The following WNK2 variants were observed in gnomAD, a reference collection of about 807,000 sequenced individuals.
WNK2 encodes the protein WNK lysine deficient protein kinase 2.
A neutral mutation model predicts 192.1 loss-of-function variants in WNK2; 67 were observed. The ratio of observed to expected loss-of-function variants is 0.35; its 90% confidence interval spans 0.29 to 0.43. The LOEUF (loss-of-function observed/expected upper bound fraction) is 0.43. Ranked by LOEUF, WNK2 falls within the 20% of genes least tolerant of loss-of-function variation. The pLI is 1.00. For synonymous variants in WNK2, 1,439 were observed against 1,393.9 expected, an observed-to-expected ratio of 1.03 and a Z score of -0.72; for missense variants, 2,698 against 3,089.7, an observed-to-expected ratio of 0.87 and a Z score of 3.01.
chr9:93,273,221 G>A (rs539662862), intron 19 of WNK2, among the ~76,000 whole-genome samples: 3 of 152,300 alleles, frequency 2.0e-5, no homozygotes, highest in South Asian at 2.1e-4. Flanking sequence ...GCAGTGGCAC[G>A]ATCTTGGCTC....
At position 93,268,721 on chromosome 9, in the gene WNK2, C is replaced by T. The variant is rs775152255; in HGVS notation, c.4008C>T (p.Ser1336=). 6 of 1,613,088 alleles carry T rather than the reference C, an allele frequency of 3.7e-6. No homozygotes were observed. The Admixed American group carries it at 5.0e-5, about 13-fold the overall frequency. The change falls in exon 19 of 30, where the codon AGC becomes AGT. Residue 1336 remains serine (S), a synonymous_variant. Transcript: ENST00000427277. ...APESSPPLPL[S]SLPPEASQDS... ...AATCTTCGCCCCCACTTCCTCTAAG[C>T]TCCCTGCCGCCAGAAGCCAGCCAAG... is the stretch of plus-strand genomic sequence containing the variant.
intron 2 of WNK2, among the ~76,000 whole-genome samples, chr9:93,221,773 G>C (rs1311464822): frequency 6.6e-6 from 1 of 152,180 alleles, no homozygotes; most frequent in African/African-American, 2.4e-5. Context: ...GGCAGTCAGT[G>C]AGAGGCTTTC....
Position 93,278,280 on chromosome 9 carries a change from G to A in WNK2, c.4033+9534G>A, listed in dbSNP as rs1313891223. ...GGAGTTCTGGAGAGGAGAGAGCTGCGGAGAGAAGAGTCTGAAGATAACGGG... is the reference window on the plus strand; with the variant it reads ...GGAGTTCTGGAGAGGAGAGAGCTGCAGAGAGAAGAGTCTGAAGATAACGGG... On this transcript the variant is annotated intron_variant, in intron 19 of 29. Transcript: ENST00000427277. 4.6e-5 allele frequency among the ~76,000 whole-genome samples: 7 copies of A among 152,230 alleles called. No homozygotes were observed. The South Asian group carries it at 6.2e-4, about 14-fold the overall frequency.
chr9:93,306,678 C>G, intron 26 of WNK2, 99 bp from the exon 27 acceptor site: 3 of 1,470,706 alleles, frequency 2.0e-6, no homozygotes, highest in Non-Finnish European at 2.9e-6. Context: ...TCTGCCCCTC[C>G]CTGCACACTG....
intron 2 of WNK2, among the ~76,000 whole-genome samples, chr9:93,198,916 C>G (rs560973124): frequency 7.2e-5 from 11 of 152,292 alleles, no homozygotes; most frequent in Admixed American, 2.6e-4. Context: ...GGTGCAGTCT[C>G]GAGCTCGGGG....
At position 93,289,132 on chromosome 9, in the gene WNK2, C is replaced by G. The variant is rs975213786; in HGVS notation, c.4378C>G (p.Pro1460Ala). 6.2e-7 allele frequency: 1 copy of G among 1,602,022 alleles called. No homozygotes were observed. Among genetic ancestry groups the G allele is most frequent in the Non-Finnish European group, 8.5e-7 (1 of 1,173,758 alleles). Reference sequence around the variant, plus strand: ...GGGCCTAGCACCTTGCACTCCAGCTCCAGAGGCTGCCTCAACCAGGGACGC... The same window carrying G: ...GGGCCTAGCACCTTGCACTCCAGCTGCAGAGGCTGCCTCAACCAGGGACGC... Reference protein sequence around the residue: ...VVGLAPCTPAPEAASTRDASA... With the variant: ...VVGLAPCTPAAEAASTRDASA... The change falls in exon 20 of 30, where the codon CCA (proline) becomes GCA (alanine). Residue 1460 changes from proline (P) to alanine (A), a missense_variant. Pro to Ala is a conservative substitution (Grantham distance 27). Around this residue, in one of 7 missense-constraint regions of WNK2, gnomAD observed 1,098 missense variants for 1,101.0 expected, o/e 1.00. Transcript: ENST00000427277.
chr9:93,282,377 A>G (rs968067442), intron 19 of WNK2, among the ~76,000 whole-genome samples: 4 of 152,170 alleles, frequency 2.6e-5, no homozygotes, highest in Non-Finnish European at 4.4e-5. Flanking sequence ...GAGAACACAT[A>G]GAAATCTTTA....
chr9:93,212,334 G>A (rs1457245484), intron 2 of WNK2, among the ~76,000 whole-genome samples: 1 of 152,212 alleles, frequency 6.6e-6, no homozygotes, highest in Non-Finnish European at 1.5e-5. Context: ...GGCTTGGTGT[G>A]GCTTGACTGC....
chr9:93,305,280 C>T (rs903740754), intron 26 of WNK2, among the ~76,000 whole-genome samples: 4 of 152,194 alleles, frequency 2.6e-5, no homozygotes, highest in Admixed American at 6.5e-5. Flanking sequence ...ACCCAGTGCC[C>T]CTACATATTG....
chr9:93,305,285 A>G (rs1184218212), intron 26 of WNK2, among the ~76,000 whole-genome samples: 1 of 152,078 alleles, frequency 6.6e-6, no homozygotes, highest in Non-Finnish European at 1.5e-5. Context: ...GTGCCCCTAC[A>G]TATTGGATCC....
In WNK2 at chr9:93,275,767, C is replaced by T. The variant is rs745700689; in HGVS notation, c.4033+7021C>T. On this transcript the variant is annotated intron_variant, in intron 19 of 29. Transcript: ENST00000427277. ...GTGAGTTTAGCAATACCATAGGATA[C>T]GCAGTCATCATACAAAAATACCTCA... 3.9e-5 allele frequency among the ~76,000 whole-genome samples: 6 copies of T among 152,310 alleles called. No homozygotes were observed. In the South Asian group the frequency reaches 6.2e-4, roughly 16 times the overall value.
At chr9:93,316,345 G>A (rs1317793449) in intron 28 of WNK2, 1 of 152,192 alleles carries the variant, frequency 6.6e-6, no homozygotes, top group Admixed American at 6.5e-5. Context: ...TCGGCTGGGA[G>A]TGGATTCAGT....
intron 19 of WNK2, among the ~76,000 whole-genome samples, chr9:93,278,622 A>G (rs1847284614): frequency 6.6e-6 from 1 of 152,226 alleles, no homozygotes; most frequent in South Asian, 2.1e-4. Flanking sequence ...CCCACAACAC[A>G]CTTCAAGAAT....
chr9:93,293,031 G>A lies in WNK2; in HGVS notation c.5566G>A (p.Glu1856Lys), dbSNP rs376602864. 20 of 1,606,188 alleles carry A rather than the reference G, an allele frequency of 1.2e-5. No individual in the cohort carries two copies. The highest frequency in any genetic ancestry group is 1.7e-4 in the Middle Eastern group (1 of 6,060). Residue 1856 changes from glutamate (E) to lysine (K), a missense_variant, in exon 23 of 30, where the codon GAG becomes AAG. Physicochemically the swap from Glu to Lys is moderately conservative, Grantham distance 56 (BLOSUM62 1). Coordinates refer to ENST00000427277, the MANE Select transcript of WNK2 (RefSeq NM_006648.4). Reference sequence around the variant, plus strand: ...TTCTCGGGCCGGCTCGCTGGGCCCCGAGACACCCAGCAGGGTGGGCATGAA... The same window carrying A: ...TTCTCGGGCCGGCTCGCTGGGCCCCAAGACACCCAGCAGGGTGGGCATGAA... ...RPSRAGSLGP[E>K]TPSRVGMKVP...
chr9:93,193,192 A>G (rs1308549205), intron 2 of WNK2, among the ~76,000 whole-genome samples: 1 of 152,038 alleles, frequency 6.6e-6, no homozygotes, highest in Admixed American at 6.5e-5. Flanking sequence ...TCCCAGCCGC[A>G]CTGCCCTGGT....
intron 2 of WNK2, among the ~76,000 whole-genome samples, chr9:93,190,941 C>T (rs965403752): frequency 4.6e-5 from 7 of 152,190 alleles, no homozygotes; most frequent in Non-Finnish European, 7.4e-5. Context: ...AGTCTATAGA[C>T]CATCTTACAG....
intron 8 of WNK2, among the ~76,000 whole-genome samples, chr9:93,248,374 C>T (rs967306446): frequency 3.3e-5 from 5 of 152,236 alleles, no homozygotes; most frequent in African/African-American, 1.2e-4. Flanking sequence ...GACAAATGGG[C>T]CGTGAGCCAG....
chr9:93,216,444 G>A (rs2131665803), intron 2 of WNK2, among the ~76,000 whole-genome samples: 1 of 152,192 alleles, frequency 6.6e-6, no homozygotes, highest in Non-Finnish European at 1.5e-5. Flanking sequence ...CCAGGAGTTT[G>A]AGACCAGCCT....
chr9:93,185,305 C>T lies in WNK2; in HGVS notation c.376C>T (p.Pro126Ser). The part of the protein sequence containing the change: ...PEPVGTQEPG[P>S]DPIAAAVETA... ...GCCCGTGGGCACGCAGGAGCCCGGC[C>T]CGGACCCCATCGCAGCCGCTGTCGA... Residue 126 changes from proline (P) to serine (S), a missense_variant, in exon 2 of 30, where the codon CCG becomes TCG. Physicochemically the swap from Pro to Ser is moderately conservative, Grantham distance 74 (BLOSUM62 -1). Transcript: ENST00000427277. 1 of 1,507,056 alleles carries T rather than the reference C, an allele frequency of 6.6e-7. No individual in the cohort carries two copies. The highest frequency in any genetic ancestry group is 8.8e-7 in the Non-Finnish European group (1 of 1,132,518). 93.4% of individuals were successfully genotyped at this position (1,507,056 alleles called of 1,614,324 possible). A position where few individuals can be genotyped will look rare whatever the true frequency, so the allele number is the denominator to read the frequency against.
Sources: gnomAD v4.1 joint callset for allele counts (sites outside exome capture counted in the v4.1 genomes callset) on GRCh38, gnomAD v4.1.1 for gene constraint, gnomAD v4.1.1 regional missense constraint, MANE v1.5 for transcripts, NCBI Gene and HGNC (gene_info 2026-07-23, HGNC 2026-07-21) for gene names.